Variants in LRRIQ1 observed in about 807,000 individuals in gnomAD.
LRRIQ1 encodes leucine rich repeats and IQ motif containing 1, also known as leucine-rich repeat- and IQ domain-containing protein 1.
A neutral mutation model predicts 211.9 loss-of-function variants in LRRIQ1; 210 were observed. The ratio of observed to expected loss-of-function variants is 0.99; its 90% CI spans 0.89 to 1.11. The LOEUF is 1.11. Among genes scored for constraint, LRRIQ1 ranks in the 50% most tolerant of loss-of-function variants. The pLI is 0.00. For missense variants in LRRIQ1, 2,136 were observed against 1,939.5 expected, an observed-to-expected ratio of 1.10 and a Z score of -1.90; for synonymous variants, 699 against 650.1, an observed-to-expected ratio of 1.08 and a Z score of -1.14.
intron 1 of LRRIQ1, among the ~76,000 whole-genome samples, chr12:85,256,794 T>G (rs1896107611): frequency 6.6e-6 from 1 of 150,988 alleles, no homozygotes; most frequent in South Asian, 2.1e-4. Flanking sequence ...ACGTGTTGAA[T>G]GAATATGTAA....
chr12:85,161,759 G>A (rs1890891881), intron 24 of LRRIQ1, among the ~76,000 whole-genome samples: 1 of 152,154 alleles, frequency 6.6e-6, no homozygotes, highest in African/African-American at 2.4e-5. Context: ...GATAGCAATA[G>A]TCTGGGCGTG....
intron 24 of LRRIQ1, among the ~76,000 whole-genome samples, chr12:85,164,037 T>C (rs1029341807): frequency 1.2e-4 from 18 of 152,192 alleles, no homozygotes; most frequent in Non-Finnish European, 1.2e-4. Flanking sequence ...GCTTATTTTA[T>C]TTATTTGTTT....
At chr12:85,172,791 G>A (rs1891480062) in intron 24 of LRRIQ1, among the ~76,000 whole-genome samples, 1 of 152,086 alleles carries the variant, frequency 6.6e-6, no homozygotes, top group Non-Finnish European at 1.5e-5. Context: ...AGGCCCTCTT[G>A]ATATGAGATG....
At chr12:85,059,046 TTC>T (rs1384116810) in intron 8 of LRRIQ1, among the ~76,000 whole-genome samples, 1 of 151,948 alleles carries the variant, frequency 6.6e-6, no homozygotes, top group African/African-American at 2.4e-5. Context: ...CCTGTAAAGA[TTC>T]TGTTTGGTAG....
intron 16 of LRRIQ1, among the ~76,000 whole-genome samples, chr12:85,122,791 T>G (rs1474124493): frequency 6.6e-6 from 1 of 152,088 alleles, no homozygotes; most frequent in Non-Finnish European, 1.5e-5. Flanking sequence ...TAACAAATAC[T>G]GCGATTATTT....
rs763023139 is a variant in LRRIQ1, at chr12:85,106,619, A to C, written c.3377+4A>C. The C allele has an allele frequency of 5.0e-6, 8 of 1,597,602 alleles. No homozygotes were observed. Among genetic ancestry groups the C allele is most frequent in the Non-Finnish European group, 6.9e-6 (8 of 1,166,048 alleles). ...TTCTTCAAGAAACAAACTGGAGGTA[A>C]AGAGGCATTGTTGCACCCCATGTAT... On this transcript the variant is annotated splice_donor_region_variant and intron_variant, in intron 15 of 26. Coordinates refer to ENST00000393217, the MANE Select transcript of LRRIQ1 (RefSeq NM_001079910.2).
At chr12:85,192,099 A>T (rs1486538401) in intron 24 of LRRIQ1, among the ~76,000 whole-genome samples, 1 of 151,740 alleles carries the variant, frequency 6.6e-6, no homozygotes. Context: ...CTCAGGTAAT[A>T]AGTGTAAGTA....
the LRRIQ1 span, among the ~76,000 whole-genome samples, chr12:85,271,637 G>C: frequency 2.6e-5 from 4 of 152,034 alleles, no homozygotes; most frequent in African/African-American, 9.7e-5. Context: ...ATGTGTGACT[G>C]CTTCATTTCT....
chr12:85,069,551 C>A (rs1309085342), intron 10 of LRRIQ1, among the ~76,000 whole-genome samples: 1 of 151,936 alleles, frequency 6.6e-6, no homozygotes, highest in African/African-American at 2.4e-5. Flanking sequence ...GTTTACAGTC[C>A]CACCAACAGT....
Position 85,152,387 on chromosome 12 carries a change from C to G in LRRIQ1, c.4419+18C>G. 6.3e-7 allele frequency: 1 copy of G among 1,581,792 alleles called. No homozygotes were observed. The highest frequency in any genetic ancestry group is 8.7e-7 in the Non-Finnish European group (1 of 1,154,110). ...GGCCAAAGGTAACATGTCATGGAAA[C>G]TTCTGAGTCCTCGATCTTTGCTCAT... On this transcript the variant is annotated intron_variant, in intron 20 of 26. Coordinates refer to ENST00000393217, the MANE Select transcript of LRRIQ1 (RefSeq NM_001079910.2).
intron 1 of LRRIQ1, among the ~76,000 whole-genome samples, chr12:85,262,547 T>A (rs978726485): frequency 6.6e-6 from 1 of 151,940 alleles, no homozygotes; most frequent in East Asian, 1.9e-4. Context: ...TATAATAATA[T>A]AAATAATTAT....
At position 85,197,707 on chromosome 12, in the gene LRRIQ1, T is replaced by A. The variant is rs550292983; in HGVS notation, c.4823-31810T>A. Among the ~76,000 whole-genome samples the A allele has an allele frequency of 7.0e-3, 1,062 of 151,416 alleles. 15 individuals are homozygous for A. The highest frequency in any genetic ancestry group is 0.024 in the African/African-American group (998 of 41,178). On this transcript the variant is annotated intron_variant, in intron 24 of 26. Transcript: ENST00000393217. ...GTGGTGGGAGTGGGGAGGGATAGCATCGGGAGATATACCTAATGCTAGATG... is the reference window on the plus strand; with the variant it reads ...GTGGTGGGAGTGGGGAGGGATAGCAACGGGAGATATACCTAATGCTAGATG...
chr12:85,109,104 T>A (rs1401628949), intron 15 of LRRIQ1, among the ~76,000 whole-genome samples: 1 of 152,104 alleles, frequency 6.6e-6, no homozygotes, highest in East Asian at 1.9e-4. Context: ...CAGAGGAGTA[T>A]AAGATATATT....
chr12:85,169,285 A>G (rs1891297707), intron 24 of LRRIQ1, among the ~76,000 whole-genome samples: 1 of 152,182 alleles, frequency 6.6e-6, no homozygotes, highest in South Asian at 2.1e-4. Context: ...ACTAGTAGGG[A>G]GAGAGGAACC....
At chr12:85,088,183 C>A (rs542739216) in intron 11 of LRRIQ1, among the ~76,000 whole-genome samples, 10 of 152,270 alleles carry the variant, frequency 6.6e-5, no homozygotes, top group African/African-American at 2.4e-4. Context: ...GTTTTCCCAG[C>A]ACCATTTATT....
At chr12:85,161,303 A>C (rs1170280275) in intron 24 of LRRIQ1, among the ~76,000 whole-genome samples, 1 of 152,164 alleles carries the variant, frequency 6.6e-6, no homozygotes, top group African/African-American at 2.4e-5. Context: ...AGCATGATGC[A>C]AAACAGTGCA....
In LRRIQ1 at chr12:85,185,070, A is replaced by G. The variant is rs1592936809; in HGVS notation, c.4822+24356A>G. On this transcript the variant is annotated intron_variant, in intron 24 of 26. Coordinates refer to ENST00000393217, the MANE Select transcript of LRRIQ1 (RefSeq NM_001079910.2). ...AAGAATGATTATAAACTAAGCAACTAAAAACTATAGGGTTGATTAAACAGT... is the reference window on the plus strand; with the variant it reads ...AAGAATGATTATAAACTAAGCAACTGAAAACTATAGGGTTGATTAAACAGT... Among the ~76,000 whole-genome samples the G allele has an allele frequency of 2.0e-5, 3 of 152,124 alleles. 1 individual carries two copies. Among genetic ancestry groups the G allele is most frequent in the South Asian group, 2.1e-4 (1 of 4,828 alleles).
At chr12:85,124,042 T>C in intron 16 of LRRIQ1, 28 bp from the exon 17 acceptor site, 1 of 1,536,366 alleles carries the variant, frequency 6.5e-7, no homozygotes, top group Non-Finnish European at 8.9e-7. Flanking sequence ...CTATTCTTAT[T>C]AAATGTTCTC....
chr12:85,271,351 A>G, the LRRIQ1 span, among the ~76,000 whole-genome samples: 1 of 152,270 alleles, frequency 6.6e-6, no homozygotes, highest in East Asian at 1.9e-4. Flanking sequence ...CATGAAAAAA[A>G]AAATTCTAAC....
Sources: allele counts gnomAD v4.1 joint callset (sites outside exome capture counted in the v4.1 genomes callset), GRCh38; gene constraint gnomAD v4.1.1; transcripts MANE v1.5; gene names NCBI Gene and HGNC (gene_info 2026-07-23, HGNC 2026-07-21).